Variants in CEP41 observed in about 807,000 individuals in gnomAD.
The protein encoded by CEP41 is centrosomal protein of 41 kDa.
CEP41 carries 32 observed loss-of-function variants against 44.3 expected under a neutral mutation model. The ratio of observed to expected loss-of-function variants is 0.72; its 90% CI spans 0.54 to 0.97. The LOEUF (loss-of-function observed/expected upper bound fraction) is 0.97, where lower values mean the gene tolerates loss of function less well. Ranked by LOEUF, CEP41 falls within the 50% of genes least tolerant of loss-of-function variation. CEP41 has a pLI of 0.00. For synonymous variants in CEP41, 151 were observed against 168.5 expected (o/e 0.90, Z 0.80); for missense variants, 432 against 455.2 (o/e 0.95, Z 0.46).
Position 130,396,303 on chromosome 7 carries a change from T to C in CEP41, c.*2588A>G. ...GAAGCCATGATCCAGTTGTTGAAGG[T>C]GGCTTCAGTCCCAGCCTGAGCAGGA... On this transcript the variant is annotated 3_prime_UTR_variant, in exon 11 of 11. Transcript: ENST00000223208. 2.2e-6 allele frequency: 1 copy of C among 454,046 alleles called. No homozygotes were observed. Among genetic ancestry groups the C allele is most frequent in the Non-Finnish European group, 4.4e-6 (1 of 226,738 alleles). 28.1% of individuals were successfully genotyped at this position (454,046 alleles called of 1,614,324 possible). A position where few individuals can be genotyped will look rare whatever the true frequency, so the allele number is the denominator to read the frequency against.
At chr7:130,416,002 CATCT>C (rs1797324449) in intron 3 of CEP41, among the ~76,000 whole-genome samples, 2 of 152,200 alleles carry the variant, frequency 1.3e-5, no homozygotes, top group African/African-American at 4.8e-5. Flanking sequence ...CCTGAGTCCA[CATCT>C]ATTGGTTGGG....
intron 2 of CEP41, among the ~76,000 whole-genome samples, chr7:130,423,950 A>C (rs1409716746): frequency 1.3e-5 from 2 of 152,252 alleles, no homozygotes; most frequent in African/African-American, 2.4e-5. Flanking sequence ...TGGTTACTCA[A>C]CATAGTAAAT....
At chr7:130,424,633 G>T (rs1171744805) in intron 2 of CEP41, among the ~76,000 whole-genome samples, 1 of 152,030 alleles carries the variant, frequency 6.6e-6, no homozygotes, top group Non-Finnish European at 1.5e-5. Flanking sequence ...TTTAACAAAT[G>T]GCACCAGACC....
intron 8 of CEP41, 123 bp downstream of exon 8, chr7:130,401,758 A>G: frequency 1.4e-6 from 1 of 693,426 alleles, no homozygotes; most frequent in Non-Finnish European, 2.6e-6. Context: ...AAATTCTAAA[A>G]TATGCTCAGC....
At chr7:130,410,187 G>A (rs549701434) in intron 5 of CEP41, among the ~76,000 whole-genome samples, 7 of 151,978 alleles carry the variant, frequency 4.6e-5, no homozygotes, top group African/African-American at 1.4e-4. Flanking sequence ...CACCGTGCCT[G>A]GCTAATTTTT....
chr7:130,416,991 G>T, intron 2 of CEP41, 25 bp from the exon 3 acceptor site: 1 of 1,518,988 alleles, frequency 6.6e-7, no homozygotes, highest in Non-Finnish European at 9.1e-7. Context: ...AGGGGTTTTA[G>T]ATATACTTTA....
At chr7:130,412,066 C>CA in intron 4 of CEP41, 113 bp downstream of exon 4, 1 of 767,850 alleles carries the variant, frequency 1.3e-6, no homozygotes, top group Non-Finnish European at 2.4e-6. Context: ...GAACGACATA[C>CA]AAAGAATCAG....
At chr7:130,401,439 A>T (rs1796840573) in intron 8 of CEP41, among the ~76,000 whole-genome samples, 1 of 149,620 alleles carries the variant, frequency 6.7e-6, no homozygotes, top group Admixed American at 6.7e-5. Context: ...CTAATAATGT[A>T]ATAGAAGCCA....
At chr7:130,406,910 T>C (rs1317287248) in intron 5 of CEP41, among the ~76,000 whole-genome samples, 1 of 151,722 alleles carries the variant, frequency 6.6e-6, no homozygotes, top group Non-Finnish European at 1.5e-5. Flanking sequence ...ATGGCACATA[T>C]ATACATATGT....
intron 3 of CEP41, among the ~76,000 whole-genome samples, chr7:130,414,505 C>T (rs1212213270): frequency 6.6e-6 from 1 of 152,180 alleles, no homozygotes; most frequent in Admixed American, 6.5e-5. Context: ...GGTATGGTTA[C>T]AAGGTTTAAA....
rs782034329 is a variant in CEP41, at chr7:130,398,570, T to TAA, written c.*319_*320dup. 3 of 490,354 alleles carry TAA rather than the reference T, an allele frequency of 6.1e-6. No homozygotes were observed. The highest frequency in any genetic ancestry group is 1.5e-5 in the South Asian group (1 of 64,616). The allele number at this position is 490,354 out of a possible 1,614,324, so 30.4% of individuals were successfully genotyped here. A position where few individuals can be genotyped will look rare whatever the true frequency, so the allele number is the denominator to read the frequency against. ...AGAGACCCAACAAGCTGGACCTTAT[T>TAA]AAAAAAAAACAAAACAAAAAAACTA... On this transcript the variant is annotated 3_prime_UTR_variant, in exon 11 of 11. Transcript: ENST00000223208.
intron 1 of CEP41, among the ~76,000 whole-genome samples, chr7:130,428,914 A>AAAAAAAAT (rs1554424415): frequency 1.3e-5 from 2 of 150,536 alleles, no homozygotes; most frequent in African/African-American, 4.9e-5. Context: ...CTGTCTCAAA[A>AAAAAAAAT]AAATAAATAA....
chr7:130,402,842 G>C, intron 6 of CEP41, 43 bp from the exon 7 acceptor site: 1 of 1,610,676 alleles, frequency 6.2e-7, no homozygotes. Context: ...GTCAGAGGTT[G>C]GTGGCTTAAA....
Position 130,420,728 on chromosome 7 carries a change from C to T in CEP41, c.98-3762G>A, listed in dbSNP as rs570522485. 3.0e-4 allele frequency: 75 copies of T among 247,798 alleles called. 1 individual carries two copies. The South Asian group carries it at 8.1e-3, about 27-fold the overall frequency. 15.3% of individuals were successfully genotyped at this position (247,798 alleles called of 1,614,324 possible). A position where few individuals can be genotyped will look rare whatever the true frequency, so the allele number is the denominator to read the frequency against. On this transcript the variant is annotated intron_variant, in intron 2 of 10. Transcript: ENST00000223208. ...CAGAGGTTGCAGTGAGCCAAGATCACGCCACTGCACTCCAGCTTGGGCAAC... is the reference window on the plus strand; with the variant it reads ...CAGAGGTTGCAGTGAGCCAAGATCATGCCACTGCACTCCAGCTTGGGCAAC...
At chr7:130,409,530 C>A (rs1289438600) in intron 5 of CEP41, among the ~76,000 whole-genome samples, 1 of 152,148 alleles carries the variant, frequency 6.6e-6, no homozygotes, top group Non-Finnish European at 1.5e-5. Context: ...TTCTCTTTAT[C>A]CTCCCTAACA....
Position 130,398,952 on chromosome 7 carries a change from G to A in CEP41, c.1061C>T (p.Ala354Val), listed in dbSNP as rs781832103. 7 of 1,614,110 alleles carry A rather than the reference G, an allele frequency of 4.3e-6. No homozygotes were observed. Among genetic ancestry groups the A allele is most frequent in the East Asian group, 4.5e-5 (2 of 44,902 alleles). ...SAQNLPGGGPASHSNPRSLSS... is the reference protein window; with the variant it reads ...SAQNLPGGGPVSHSNPRSLSS... ...GAGGGAGCGGGGGTTTGAGTGGCTG[G>A]CGGGGCCGCCACCTGGCAGATTCTG... is the stretch of plus-strand genomic sequence containing the variant. The change falls in exon 11 of 11, where the codon GCC (alanine) becomes GTC (valine). Residue 354 changes from alanine (A) to valine (V), a missense_variant. By Grantham distance (64) the Ala-to-Val change is moderately conservative. Coordinates refer to ENST00000223208, the MANE Select transcript of CEP41 (RefSeq NM_018718.3).
At chr7:130,404,764 T>A in intron 5 of CEP41, 56 bp from the exon 6 acceptor site, 1 of 1,303,152 alleles carries the variant, frequency 7.7e-7, no homozygotes, top group Non-Finnish European at 1.1e-6. Flanking sequence ...TGTATTTACT[T>A]ATTAGTTCCA....
chr7:130,426,005 T>C (rs782331111), intron 2 of CEP41, among the ~76,000 whole-genome samples: 1 of 151,970 alleles, frequency 6.6e-6, no homozygotes, highest in Non-Finnish European at 1.5e-5. Context: ...GAGTAGAAAG[T>C]GGGTGTGGTT....
intron 1 of CEP41, among the ~76,000 whole-genome samples, chr7:130,435,054 A>G (rs1554425886): frequency 6.6e-6 from 1 of 152,184 alleles, no homozygotes; most frequent in East Asian, 1.9e-4. Context: ...TCCAGGATAT[A>G]TTGTTAAGTG....
Sources: allele counts gnomAD v4.1 joint callset (sites outside exome capture counted in the v4.1 genomes callset), GRCh38; gene constraint gnomAD v4.1.1; transcripts MANE v1.5; gene names NCBI Gene and HGNC (gene_info 2026-07-23, HGNC 2026-07-21).